Variants in N4BP2L2 observed in about 807,000 individuals in gnomAD.
N4BP2L2 encodes NEDD4-binding protein 2-like 2.
N4BP2L2 carries 50 observed loss-of-function variants against 56.2 expected under a neutral mutation model. The ratio of observed to expected loss-of-function variants is 0.89; its 90% CI spans 0.71 to 1.13. N4BP2L2 has a LOEUF of 1.13. Among genes scored for constraint, N4BP2L2 ranks in the 50% most tolerant of loss-of-function variants. The pLI, the probability that N4BP2L2 is intolerant of heterozygous loss-of-function variation, is 0.00. For missense variants in N4BP2L2, 689 were observed against 693.8 expected (o/e 0.99, Z 0.08); for synonymous variants, 203 against 223.6 (o/e 0.91, Z 0.82).
intron 6 of N4BP2L2, chr13:32,480,681 A>C: frequency 8.5e-7 from 1 of 1,179,898 alleles, no homozygotes; most frequent in Middle Eastern, 2.2e-4. Flanking sequence ...ACAACTTTTA[A>C]AGTGCTTTCA....
At chr13:32,433,931 C>CAAAAAAAAAAAAAAAA (rs60540916) in intron 9 of N4BP2L2, among the ~76,000 whole-genome samples, 1 of 86,122 alleles carries the variant, frequency 1.2e-5, no homozygotes, top group Non-Finnish European at 2.2e-5. Context: ...GACCGTGTCT[C>CAAAAAAAAAAAAAAAA]AAAAAAAAAA....
intron 7 of N4BP2L2, among the ~76,000 whole-genome samples, chr13:32,440,851 CTTT>C (rs34532527): frequency 3.0e-5 from 4 of 134,608 alleles, no homozygotes; most frequent in Non-Finnish European, 3.1e-5. Context: ...AAATAACAAT[CTTT>C]TTTTTTTTTT....
At chr13:32,439,224 A>T (rs2075896961) in intron 7 of N4BP2L2, among the ~76,000 whole-genome samples, 1 of 152,254 alleles carries the variant, frequency 6.6e-6, no homozygotes, top group South Asian at 2.1e-4. Context: ...AATGTCACTC[A>T]TAAAATATTC....
chr13:32,483,709 TTTTTG>T (rs1458649296), intron 6 of N4BP2L2, among the ~76,000 whole-genome samples: 1 of 152,200 alleles, frequency 6.6e-6, no homozygotes, highest in Non-Finnish European at 1.5e-5. Flanking sequence ...ATGCTACAGT[TTTTTG>T]TTTTGTTTTT....
chr13:32,479,887 GGA>G (rs571864611), intron 6 of N4BP2L2, among the ~76,000 whole-genome samples: 53 of 151,730 alleles, frequency 3.5e-4, no homozygotes, highest in African/African-American at 1.2e-3. Context: ...AGGGAGAGAC[GGA>G]GAGAGAGACA....
chr13:32,528,592 A>G (rs1277383028), intron 2 of N4BP2L2, among the ~76,000 whole-genome samples: 1 of 152,230 alleles, frequency 6.6e-6, no homozygotes, highest in Non-Finnish European at 1.5e-5. Context: ...GGGAAAATGC[A>G]GCAAGATAAT....
intron 3 of N4BP2L2, chr13:32,526,818 G>GTTTTTTTTTCTTTT (rs2053010876): frequency 4.1e-5 from 1 of 24,234 alleles, no homozygotes; most frequent in Non-Finnish European, 7.9e-5. Context: ...CTTTTTGTCT[G>GTTTTTTTTTCTTTT]TTTTTTTTTT....
chr13:32,442,693 T>G, exon 7 of N4BP2L2: 1 of 1,613,774 alleles, frequency 6.2e-7, no homozygotes, highest in Non-Finnish European at 8.5e-7. Context: ...CAAAAACAGT[T>G]TCTTGTTTGT....
chr13:32,492,920 T>TG (rs1188284754), intron 6 of N4BP2L2, among the ~76,000 whole-genome samples: 5 of 142,944 alleles, frequency 3.5e-5, no homozygotes, highest in Non-Finnish European at 7.6e-5. Context: ...TTTTCTGTTT[T>TG]TTTTTTTTTT....
intron 6 of N4BP2L2, among the ~76,000 whole-genome samples, chr13:32,454,016 A>G (rs902850636): frequency 6.6e-6 from 1 of 152,208 alleles, no homozygotes; most frequent in Non-Finnish European, 1.5e-5. Flanking sequence ...ATGAGAAGTG[A>G]GGCATTTTAG....
At chr13:32,530,374 T>A (rs1023155296) in intron 2 of N4BP2L2, among the ~76,000 whole-genome samples, 2 of 152,218 alleles carry the variant, frequency 1.3e-5, no homozygotes, top group Non-Finnish European at 2.9e-5. Flanking sequence ...TCTGAATGTC[T>A]TATCAAGCCT....
chr13:32,484,849 T>C (rs1385286416), intron 6 of N4BP2L2, among the ~76,000 whole-genome samples: 2 of 152,216 alleles, frequency 1.3e-5, no homozygotes, highest in Non-Finnish European at 2.9e-5. Context: ...TATGAAATAC[T>C]GTTAGAATAT....
At chr13:32,463,305 T>C (rs2080538256) in intron 6 of N4BP2L2, among the ~76,000 whole-genome samples, 1 of 151,952 alleles carries the variant, frequency 6.6e-6, no homozygotes, top group Non-Finnish European at 1.5e-5. Context: ...GGAGAAGAGC[T>C]GAAGAGACTA....
chr13:32,501,892 C>A (rs920789983), intron 6 of N4BP2L2, among the ~76,000 whole-genome samples: 1 of 151,702 alleles, frequency 6.6e-6, no homozygotes, highest in Admixed American at 6.6e-5. Flanking sequence ...ACAGTCTATG[C>A]AACATAGGTG....
chr13:32,463,877 G>A (rs1382367027), intron 6 of N4BP2L2, among the ~76,000 whole-genome samples: 1 of 117,882 alleles, frequency 8.5e-6, no homozygotes, highest in African/African-American at 3.3e-5. Context: ...CAAAAACCAA[G>A]AGAGTTCACT....
rs1441481023 is a variant in N4BP2L2 at position 32,450,540 on chromosome 13, G to A, written c.366-6414C>T. 2.6e-5 allele frequency among the ~76,000 whole-genome samples: 4 copies of A among 152,160 alleles called. No homozygotes were observed. In the South Asian group the frequency reaches 6.2e-4, roughly 24 times the overall value. The stretch of plus-strand genomic sequence containing the variant: ...GGGGTTTCACTGTGTTAACCAGGAC[G>A]GTCTCGATCTCATGACCTTGTGATC... On this transcript the variant is annotated intron_variant, in intron 6 of 9. Transcript: ENST00000357505.
chr13:32,451,070 GAC>G (rs2077933126), intron 6 of N4BP2L2, among the ~76,000 whole-genome samples: 1 of 152,010 alleles, frequency 6.6e-6, no homozygotes, highest in East Asian at 1.9e-4. Flanking sequence ...AAAAAGGAAA[GAC>G]ACAAAATTAA....
intron 6 of N4BP2L2, among the ~76,000 whole-genome samples, chr13:32,503,765 G>A (rs1205047867): frequency 1.3e-5 from 2 of 152,202 alleles, no homozygotes; most frequent in Non-Finnish European, 2.9e-5. Context: ...CTTAGTCATG[G>A]CCACGTACAG....
intron 6 of N4BP2L2, among the ~76,000 whole-genome samples, chr13:32,472,798 T>C (rs1424610898): frequency 6.6e-6 from 1 of 152,168 alleles, no homozygotes; most frequent in African/African-American, 2.4e-5. Flanking sequence ...ACATCCCTCC[T>C]GCTAGAACTG....
Sources: allele counts gnomAD v4.1 joint callset (sites outside exome capture counted in the v4.1 genomes callset), GRCh38; gene constraint gnomAD v4.1.1; transcripts MANE v1.5; gene names NCBI Gene and HGNC (gene_info 2026-07-23, HGNC 2026-07-21).